CNBD2: variants seen among roughly 807,000 people sequenced by gnomAD.
CNBD2 encodes the protein cyclic nucleotide-binding domain-containing protein 2.
A neutral mutation model predicts 63.7 loss-of-function variants in CNBD2; 64 were observed. The observed-to-expected ratio is 1.00, with a 90% confidence interval of 0.82 to 1.24. CNBD2 has a LOEUF of 1.24. Ranked by LOEUF, CNBD2 falls within the 50% of genes most tolerant of loss-of-function variation. CNBD2 has a pLI of 0.00. For synonymous variants in CNBD2, 229 were observed against 255.4 expected, an observed-to-expected ratio of 0.90 and a Z score of 0.99; for missense variants, 691 against 713.5, an observed-to-expected ratio of 0.97 and a Z score of 0.36.
downstream of CNBD2, among the ~76,000 whole-genome samples, chr20:35,956,943 G>A (rs1225145761): frequency 6.6e-6 from 1 of 152,218 alleles, no homozygotes; most frequent in Non-Finnish European, 1.5e-5. Context: ...TGGAGAAGGG[G>A]TGAGAGATGA....
intron 8 of CNBD2, among the ~76,000 whole-genome samples, chr20:36,001,206 A>C (rs976581246): frequency 6.6e-6 from 1 of 151,800 alleles, no homozygotes; most frequent in African/African-American, 2.4e-5. Context: ...TTTCTATTCC[A>C]CAAAACCGCC....
intron 3 of CNBD2, among the ~76,000 whole-genome samples, chr20:35,978,846 A>G (rs2056558942): frequency 6.6e-6 from 1 of 152,228 alleles, no homozygotes; most frequent in African/African-American, 2.4e-5. Flanking sequence ...ATATATATGC[A>G]TACATAAAAG....
At chr20:35,968,581 A>AT (rs1330438710), upstream of CNBD2, 3 of 528,124 alleles carry the variant, frequency 5.7e-6, no homozygotes, top group African/African-American at 5.8e-5. Flanking sequence ...TCTGAGAATG[A>AT]TTTTTCTCAG....
intron 8 of CNBD2, among the ~76,000 whole-genome samples, chr20:36,007,146 A>G (rs894416261): frequency 1.3e-5 from 2 of 152,056 alleles, no homozygotes; most frequent in African/African-American, 2.4e-5. Context: ...CAGAGATCGC[A>G]CCACTGCACT....
At chr20:35,975,828 T>G in intron 2 of CNBD2, 121 bp from the exon 3 acceptor site, 5 of 843,238 alleles carry the variant, frequency 5.9e-6, no homozygotes, top group Non-Finnish European at 9.6e-6. Flanking sequence ...CCGGCTGCTA[T>G]GAGGTTTCCC....
At chr20:35,983,926 A>C (rs2056629861) in intron 4 of CNBD2, 56 bp from the exon 5 acceptor site, 1 of 1,606,064 alleles carries the variant, frequency 6.2e-7, no homozygotes, top group South Asian at 1.1e-5. Context: ...AGCTCCTCTC[A>C]GCTTGGACCT....
At position 36,000,305 on chromosome 20, in the gene CNBD2, A is replaced by G. The variant is rs6121121; in HGVS notation, c.970+5153A>G. ...TGCATTAAAGTCTTTTTTGACTTGC[A>G]TTGTTTTCAGCAAATCCGTTCATAT... On this transcript the variant is annotated intron_variant, in intron 8 of 11. Coordinates refer to ENST00000373973, the MANE Select transcript of CNBD2 (RefSeq NM_001365709.1). Among the ~76,000 whole-genome samples the G allele has an allele frequency of 6.1e-3, 928 of 152,174 alleles. 10 individuals carry two copies. The highest frequency in any genetic ancestry group is 0.021 in the African/African-American group (876 of 41,534).
downstream of CNBD2, among the ~76,000 whole-genome samples, chr20:35,958,393 C>T (rs906932705): frequency 1.3e-5 from 2 of 152,190 alleles, no homozygotes; most frequent in African/African-American, 4.8e-5. Flanking sequence ...GATCGTGCCA[C>T]TGCACTCCAG....
chr20:36,023,015 A>G (rs1054345604), intron 10 of CNBD2, among the ~76,000 whole-genome samples: 2 of 152,214 alleles, frequency 1.3e-5, no homozygotes, highest in African/African-American at 4.8e-5. Flanking sequence ...AAAAAGCTGT[A>G]ATTGGACATT....
intron 8 of CNBD2, among the ~76,000 whole-genome samples, chr20:36,004,194 G>T (rs6088979): frequency 6.6e-6 from 1 of 152,192 alleles, no homozygotes; most frequent in Non-Finnish European, 1.5e-5. Flanking sequence ...ACAAGTGTGT[G>T]ACTAGTAGGA....
intron 11 of CNBD2, among the ~76,000 whole-genome samples, chr20:36,026,372 A>G (rs2057283437): frequency 6.6e-6 from 1 of 152,038 alleles, no homozygotes; most frequent in Non-Finnish European, 1.5e-5. Context: ...GACTCCCGCA[A>G]GTCTTATCAC....
chr20:36,001,846 G>A (rs868385671), intron 8 of CNBD2, among the ~76,000 whole-genome samples: 51 of 151,342 alleles, frequency 3.4e-4, no homozygotes, highest in Non-Finnish European at 4.4e-5. Flanking sequence ...GATGGCGGCC[G>A]GGAAGAGGCG....
upstream of CNBD2, among the ~76,000 whole-genome samples, chr20:35,966,507 A>G (rs892707452): frequency 1.3e-5 from 2 of 152,196 alleles, no homozygotes; most frequent in Admixed American, 6.5e-5. Flanking sequence ...GAGATACTCA[A>G]TTGTCATCTT....
chr20:35,995,068 C>A lies in CNBD2; in HGVS notation c.886C>A (p.Leu296Ile). 6.2e-7 allele frequency: 1 copy of A among 1,614,136 alleles called. No homozygotes were observed. The highest frequency in any genetic ancestry group is 8.5e-7 in the Non-Finnish European group (1 of 1,179,980). Residue 296 changes from leucine (L) to isoleucine (I), a missense_variant, in exon 8 of 12, where the codon CTT becomes ATT. Coordinates refer to ENST00000373973, the MANE Select transcript of CNBD2 (RefSeq NM_001365709.1). ...CTGTGAAGTCCTGCGGCTGTTGGAC[C>A]TTGGGGCCTCCCCTTCCTACCGTAG... ...GSCEVLRLLD[L>I]GASPSYRRWI...
rs200127358 is a variant in CNBD2, at chr20:35,961,700, TTGTG to T, written c.228+3931_228+3934del. ...TCTTCTGGACAAGCTGCTTGTGGGA[TTGTG>T]TGTGGAGAAAGGACTAGAGTAGAAT... On this transcript the variant is annotated intron_variant, in intron 2 of 4. Transcript: ENST00000622112. Among the ~76,000 whole-genome samples the T allele has an allele frequency of 2.6e-5, 4 of 152,244 alleles. No individual in the cohort carries two copies. In the East Asian group the frequency reaches 7.7e-4, roughly 29 times the overall value.
rs542576942 is a variant in CNBD2 at position 36,002,239 on chromosome 20, A to G, written c.971-6058A>G. Reference sequence around the variant, plus strand: ...GCGAAACCCCGTCTCCACCAAAAAAATACGAAAACCAGTCAGGCGTGGCGG... The same window carrying G: ...GCGAAACCCCGTCTCCACCAAAAAAGTACGAAAACCAGTCAGGCGTGGCGG... On this transcript the variant is annotated intron_variant, in intron 8 of 11. Transcript: ENST00000373973. Among the ~76,000 whole-genome samples the G allele has an allele frequency of 5.5e-3, 837 of 152,374 alleles. 5 individuals carry two copies. Among genetic ancestry groups the G allele is most frequent in the African/African-American group, 0.019 (799 of 41,594 alleles).
intron 4 of CNBD2, 68 bp downstream of exon 4, chr20:35,980,690 A>T: frequency 6.8e-7 from 1 of 1,481,278 alleles, no homozygotes. Flanking sequence ...CTGGCTGAGA[A>T]GGTGTGGCAG....
At chr20:36,026,641 T>C (rs2057286145) in intron 11 of CNBD2, among the ~76,000 whole-genome samples, 1 of 152,136 alleles carries the variant, frequency 6.6e-6, no homozygotes, top group Admixed American at 6.5e-5. Flanking sequence ...ATGCTGCACA[T>C]ACCTTGCCTT....
chr20:36,026,096 G>A (rs2057279688), intron 11 of CNBD2, among the ~76,000 whole-genome samples: 1 of 151,976 alleles, frequency 6.6e-6, no homozygotes, highest in South Asian at 2.1e-4. Flanking sequence ...TGCTGTGGCT[G>A]AATCTCAACT....
Sources: gnomAD v4.1 joint callset for allele counts (sites outside exome capture counted in the v4.1 genomes callset) on GRCh38, gnomAD v4.1.1 for gene constraint, MANE v1.5 for transcripts, NCBI Gene and HGNC (gene_info 2026-07-23, HGNC 2026-07-21) for gene names.